The following DTNB variants were observed in gnomAD, a reference collection of about 807,000 sequenced individuals.
DTNB encodes dystrobrevin beta.
DTNB carries 63 observed loss-of-function variants against 90.7 expected under a neutral mutation model. That is an observed-to-expected ratio of 0.69 (90% CI 0.57 to 0.86). The LOEUF is 0.86. Among genes scored for constraint, DTNB ranks in the 40% least tolerant of loss-of-function variants. The probability of loss-of-function intolerance (pLI) is 0.00; values close to 1 mark genes in which losing one functional copy is unlikely to be tolerated. For synonymous variants in DTNB, 277 were observed against 286.7 expected, an observed-to-expected ratio of 0.97 and a Z score of 0.34; for missense variants, 744 against 807.1, an observed-to-expected ratio of 0.92 and a Z score of 0.95.
chr2:25,555,938 T>G (rs756403096), intron 8 of DTNB, among the ~76,000 whole-genome samples: 5 of 152,188 alleles, frequency 3.3e-5, no homozygotes, highest in Non-Finnish European at 5.9e-5. Flanking sequence ...GAGAATCACT[T>G]GAACCCAGGA....
chr2:25,615,139 A>C (rs2148594163), intron 4 of DTNB, among the ~76,000 whole-genome samples: 1 of 152,304 alleles, frequency 6.6e-6, no homozygotes, highest in South Asian at 2.1e-4. Flanking sequence ...TTATTTATGA[A>C]GGATATTATA....
At chr2:25,512,467 TC>T (rs1429245189) in intron 9 of DTNB, among the ~76,000 whole-genome samples, 2 of 152,236 alleles carry the variant, frequency 1.3e-5, no homozygotes, top group African/African-American at 4.8e-5. Context: ...AGATGTACAA[TC>T]CCAGCCCTTA....
intron 1 of DTNB, among the ~76,000 whole-genome samples, chr2:25,667,310 G>A (rs1409325792): frequency 2.0e-5 from 3 of 152,080 alleles, no homozygotes; most frequent in South Asian, 4.2e-4. Context: ...CCAACATGGT[G>A]AAACCCTGTC....
At chr2:25,535,844 C>T (rs571197487) in intron 8 of DTNB, among the ~76,000 whole-genome samples, 32 of 144,826 alleles carry the variant, frequency 2.2e-4, no homozygotes, top group South Asian at 4.5e-4. Context: ...CCAAACGGGG[C>T]GGCCGGGCAG....
At chr2:25,534,631 G>A (rs529614782) in intron 8 of DTNB, among the ~76,000 whole-genome samples, 12 of 150,406 alleles carry the variant, frequency 8.0e-5, no homozygotes, top group Admixed American at 4.0e-4. Flanking sequence ...CGGGGCGGCC[G>A]GGCAGAGGTG....
chr2:25,528,220 A>C (rs1207499727), intron 9 of DTNB, among the ~76,000 whole-genome samples: 1 of 152,220 alleles, frequency 6.6e-6, no homozygotes. Context: ...TCATGACAAA[A>C]AGAAAGCATT....
chr2:25,464,929 C>T (rs1356388055), intron 10 of DTNB, among the ~76,000 whole-genome samples: 3 of 152,126 alleles, frequency 2.0e-5, no homozygotes, highest in Admixed American at 1.3e-4. Context: ...GACAGGATGA[C>T]TAAATGAGAT....
At chr2:25,632,421 A>G (rs1460244051) in intron 3 of DTNB, among the ~76,000 whole-genome samples, 1 of 152,144 alleles carries the variant, frequency 6.6e-6, no homozygotes, top group Non-Finnish European at 1.5e-5. Flanking sequence ...TGGTTTGAAT[A>G]TTTGTCCTCT....
chr2:25,486,870 C>T (rs2066300402), intron 9 of DTNB, among the ~76,000 whole-genome samples: 2 of 152,294 alleles, frequency 1.3e-5, no homozygotes, highest in African/African-American at 4.8e-5. Flanking sequence ...TGTTCTGTAT[C>T]TTCCTTTGGT....
intron 8 of DTNB, among the ~76,000 whole-genome samples, chr2:25,541,618 G>C (rs2081280595): frequency 6.6e-6 from 1 of 152,188 alleles, no homozygotes. Context: ...GGAAGTATTT[G>C]AAAAATGCCC....
chr2:25,659,035 C>T (rs1272488383), intron 1 of DTNB, among the ~76,000 whole-genome samples: 1 of 151,762 alleles, frequency 6.6e-6, no homozygotes, highest in Non-Finnish European at 1.5e-5. Flanking sequence ...AGTTTCGGGA[C>T]TACAGGAGTG....
chr2:25,493,106 G>A (rs889091153), intron 9 of DTNB, among the ~76,000 whole-genome samples: 38 of 152,156 alleles, frequency 2.5e-4, no homozygotes, highest in Admixed American at 4.6e-4. Flanking sequence ...TACATAGACA[G>A]CTGTCTGCTA....
intron 12 of DTNB, among the ~76,000 whole-genome samples, chr2:25,448,636 T>C (rs1035102690): frequency 4.6e-5 from 7 of 151,892 alleles, no homozygotes; most frequent in Non-Finnish European, 5.9e-5. Flanking sequence ...AGGCGGATCA[T>C]GAGGTCAGGA....
rs183476521 is a variant in DTNB, at chr2:25,451,092, C to A, written c.1257+456G>T. 3.9e-5 allele frequency among the ~76,000 whole-genome samples: 6 copies of A among 152,302 alleles called. No individual in the cohort carries two copies. The East Asian group carries it at 1.2e-3, about 29-fold the overall frequency. ...AGGTGCTGGGATATACACTTTATAT[C>A]TTGTAGCAATACTATAAAATTTACT... On this transcript the variant is annotated intron_variant, in intron 12 of 20. Transcript: ENST00000406818.
At chr2:25,412,299 TC>T (rs1374266629) in intron 16 of DTNB, among the ~76,000 whole-genome samples, 1 of 152,088 alleles carries the variant, frequency 6.6e-6, no homozygotes, top group East Asian at 1.9e-4. Context: ...TTTGTCTGGG[TC>T]TTGGAAATCA....
At chr2:25,413,944 G>A (rs1032173207) in intron 16 of DTNB, among the ~76,000 whole-genome samples, 7 of 152,184 alleles carry the variant, frequency 4.6e-5, no homozygotes, top group Non-Finnish European at 4.4e-5. Flanking sequence ...AGCACCTGTT[G>A]TTTCCTGACT....
intron 12 of DTNB, among the ~76,000 whole-genome samples, chr2:25,437,067 G>A (rs2056034992): frequency 6.6e-6 from 1 of 152,064 alleles, no homozygotes; most frequent in African/African-American, 2.4e-5. Context: ...GCTCCAAGAA[G>A]CACTGTAATG....
At chr2:25,642,579 T>G (rs989537661) in intron 2 of DTNB, among the ~76,000 whole-genome samples, 1 of 150,828 alleles carries the variant, frequency 6.6e-6, no homozygotes, top group African/African-American at 2.4e-5. Context: ...CCCAGCTAAT[T>G]TTTTGTATTT....
intron 10 of DTNB, among the ~76,000 whole-genome samples, chr2:25,457,404 A>G (rs188492974): frequency 6.6e-6 from 1 of 152,296 alleles, no homozygotes; most frequent in Non-Finnish European, 1.5e-5. Context: ...GAGTATTTAG[A>G]GACTGCAGTC....
Sources: allele counts gnomAD v4.1 joint callset (sites outside exome capture counted in the v4.1 genomes callset), GRCh38; gene constraint gnomAD v4.1.1; transcripts MANE v1.5; gene names NCBI Gene and HGNC (gene_info 2026-07-23, HGNC 2026-07-21).